The following NCF2 variants were observed in gnomAD, a reference collection of about 807,000 sequenced individuals.
NCF2 encodes neutrophil cytosolic factor 2.
NCF2 carries 45 observed loss-of-function variants against 70.9 expected under a neutral mutation model. The ratio of observed to expected loss-of-function variants is 0.63; its 90% CI spans 0.50 to 0.81. The LOEUF (loss-of-function observed/expected upper bound fraction) is 0.81. NCF2 is among the 40% of genes least tolerant of loss of function. NCF2 has a pLI of 0.00. For synonymous variants in NCF2, 203 were observed against 233.6 expected, an observed-to-expected ratio of 0.87 and a Z score of 1.19; for missense variants, 522 against 631.6, an observed-to-expected ratio of 0.83 and a Z score of 1.86.
chr1:183,573,959 A>G (rs1000048232), intron 4 of NCF2, among the ~76,000 whole-genome samples: 1 of 152,184 alleles, frequency 6.6e-6, no homozygotes, highest in East Asian at 1.9e-4. Flanking sequence ...GCATGGTGGC[A>G]TGCACCTGTA....
intron 14 of NCF2, among the ~76,000 whole-genome samples, chr1:183,558,538 G>C (rs1671896093): frequency 6.6e-6 from 1 of 150,592 alleles, no homozygotes; most frequent in Admixed American, 6.6e-5. Context: ...AAGGTGCTGG[G>C]ATTACAGGCA....
At chr1:183,588,242 A>C (rs1234306029) in intron 1 of NCF2, among the ~76,000 whole-genome samples, 1 of 152,198 alleles carries the variant, frequency 6.6e-6, no homozygotes, top group Non-Finnish European at 1.5e-5. Flanking sequence ...CTTGTCCAGG[A>C]GAGTAGTAAT....
intron 6 of NCF2, 144 bp downstream of exon 6, chr1:183,570,636 G>T: frequency 2.5e-6 from 2 of 802,618 alleles, no homozygotes. Flanking sequence ...CTGAGAGAGG[G>T]CAGGCAGATC....
At chr1:183,572,380 C>T (rs1672607398) in intron 5 of NCF2, among the ~76,000 whole-genome samples, 1 of 152,102 alleles carries the variant, frequency 6.6e-6, no homozygotes, top group Non-Finnish European at 1.5e-5. Context: ...GATGGGGTTT[C>T]ACCATGTTGG....
chr1:183,559,361 A>G (rs1671936622), intron 14 of NCF2, among the ~76,000 whole-genome samples: 1 of 152,236 alleles, frequency 6.6e-6, no homozygotes, highest in African/African-American at 2.4e-5. Context: ...GAAAGTCACC[A>G]GAGACACAGG....
At chr1:183,557,096 C>T (rs192622070) in intron 14 of NCF2, among the ~76,000 whole-genome samples, 1 of 152,146 alleles carries the variant, frequency 6.6e-6, no homozygotes, top group Admixed American at 6.5e-5. Flanking sequence ...ATTCAGACTT[C>T]ATAATAACTT....
intron 5 of NCF2, among the ~76,000 whole-genome samples, chr1:183,572,454 T>C (rs1317756061): frequency 1.3e-5 from 2 of 152,182 alleles, no homozygotes; most frequent in Non-Finnish European, 2.9e-5. Context: ...AGTGCTGGGA[T>C]TACAGGCATG....
At chr1:183,599,475 TTTCTTTC>T in the NCF2 span, among the ~76,000 whole-genome samples, 1 of 143,862 alleles carries the variant, frequency 7.0e-6, no homozygotes, top group Non-Finnish European at 1.5e-5. Context: ...TCTTTCTTTC[TTTCTTTC>T]TCTTTTCTTT....
At chr1:183,593,861 T>C (rs1673729019), upstream of NCF2, among the ~76,000 whole-genome samples, 1 of 152,170 alleles carries the variant, frequency 6.6e-6, no homozygotes, top group South Asian at 2.1e-4. Flanking sequence ...CCTGAAGCCA[T>C]GCGCTTCAGG....
rs35047617 is a variant in NCF2 at position 183,587,075 on chromosome 1, A to G, written c.175-98T>C. Reference sequence around the variant, plus strand: ...AGAGCCCTAGCTCCCTGTGGTGCCCAGCTCTGCTGTCTGCCCTCGTCGGCA... The same window carrying G: ...AGAGCCCTAGCTCCCTGTGGTGCCCGGCTCTGCTGTCTGCCCTCGTCGGCA... On this transcript the variant is annotated intron_variant, in intron 1 of 14. Transcript: ENST00000367535. 604 of 1,180,042 alleles carry G rather than the reference A, an allele frequency of 5.1e-4. 2 individuals are homozygous for G. In the African/African-American group the frequency reaches 8.1e-3, roughly 16 times the overall value. The allele number at this position is 1,180,042 out of a possible 1,614,324, so 73.1% of individuals were successfully genotyped here.
the NCF2 span, among the ~76,000 whole-genome samples, chr1:183,599,423 C>CTTCCTTCCTTCTTTCTTTCTTTCTTTCT: frequency 5.6e-5 from 6 of 107,426 alleles, no homozygotes; most frequent in African/African-American, 2.3e-4. Flanking sequence ...TCTTTCTTTC[C>CTTCCTTCCTTCTTTCTTTCTTTCTTTCT]TTCTTTCTTT....
chr1:183,575,444 G>A (rs1314976775), intron 3 of NCF2, among the ~76,000 whole-genome samples: 1 of 152,146 alleles, frequency 6.6e-6, no homozygotes, highest in Non-Finnish European at 1.5e-5. Flanking sequence ...CTCAGGTGGG[G>A]GGGGAATGGT....
chr1:183,589,081 G>A (rs1021930815), intron 1 of NCF2, among the ~76,000 whole-genome samples: 2 of 152,198 alleles, frequency 1.3e-5, no homozygotes, highest in Non-Finnish European at 2.9e-5. Flanking sequence ...CTCTGCCTTA[G>A]AGCCTGAGAT....
rs1003124004 is a variant in NCF2, at chr1:183,570,695, C to T, written c.669+85G>A. Reference sequence around the variant, plus strand: ...TGAAGGAGCCCTTACAATCAGGCAACTCAGCACACATAGTCTCTCGAATTG... The same window carrying T: ...TGAAGGAGCCCTTACAATCAGGCAATTCAGCACACATAGTCTCTCGAATTG... On this transcript the variant is annotated intron_variant, in intron 6 of 14. Coordinates refer to ENST00000367535, the MANE Select transcript of NCF2 (RefSeq NM_000433.4). 1.7e-5 allele frequency: 25 copies of T among 1,434,468 alleles called. No homozygotes were observed. In the African/African-American group the frequency reaches 3.1e-4, roughly 18 times the overall value. 88.9% of individuals were successfully genotyped at this position (1,434,468 alleles called of 1,614,324 possible).
chr1:183,578,906 G>T (rs929152740), intron 2 of NCF2, among the ~76,000 whole-genome samples: 2 of 152,244 alleles, frequency 1.3e-5, no homozygotes, highest in Non-Finnish European at 2.9e-5. Flanking sequence ...CCATTGCTGG[G>T]CTATAGGGGG....
At chr1:183,568,009 C>T (rs1360955563) in intron 7 of NCF2, among the ~76,000 whole-genome samples, 1 of 152,100 alleles carries the variant, frequency 6.6e-6, no homozygotes, top group African/African-American at 2.4e-5. Context: ...GGCTTCCCTC[C>T]CTTTACTCCC....
At chr1:183,589,988 G>A (rs1459314455) in intron 1 of NCF2, among the ~76,000 whole-genome samples, 168 bp downstream of exon 1, 3 of 152,176 alleles carry the variant, frequency 2.0e-5, no homozygotes, top group African/African-American at 4.8e-5. Flanking sequence ...AAAACTGGCT[G>A]CCTGGGGCCC....
chr1:183,581,712 T>A lies in NCF2; in HGVS notation c.258-4005A>T, dbSNP rs185681641. Reference sequence around the variant, plus strand: ...GAGACAGAGTCTCGCTCTGTTGCCCTGGCTGGAGTGCAGTGGCGCGATCTC... The same window carrying A: ...GAGACAGAGTCTCGCTCTGTTGCCCAGGCTGGAGTGCAGTGGCGCGATCTC... On this transcript the variant is annotated intron_variant, in intron 2 of 14. Coordinates refer to ENST00000367535, the MANE Select transcript of NCF2 (RefSeq NM_000433.4). Among the ~76,000 whole-genome samples, 442 of 151,538 alleles carry A rather than the reference T, an allele frequency of 2.9e-3. 1 individual carries two copies. The highest frequency in any genetic ancestry group is 8.7e-3 in the African/African-American group (358 of 41,372).
intron 10 of NCF2, among the ~76,000 whole-genome samples, chr1:183,564,473 TAATC>T (rs760907985): frequency 4.3e-4 from 65 of 152,340 alleles, no homozygotes; most frequent in African/African-American, 2.9e-4. Flanking sequence ...TCTAATCTAT[TAATC>T]AAGCAATCTA....
Sources: gnomAD v4.1 joint callset for allele counts (sites outside exome capture counted in the v4.1 genomes callset) on GRCh38, gnomAD v4.1.1 for gene constraint, MANE v1.5 for transcripts, NCBI Gene and HGNC (gene_info 2026-07-23, HGNC 2026-07-21) for gene names.